ZNF540: variants seen among roughly 807,000 people sequenced by gnomAD.
The protein encoded by ZNF540 is CTD-3064H18.6.
Under a neutral mutation model 11.8 loss-of-function variants are expected in ZNF540, and 3 were observed. The ratio of observed to expected loss-of-function variants is 0.25; its 90% CI spans 0.12 to 0.65. The LOEUF (loss-of-function observed/expected upper bound fraction) is 0.65. Among genes scored for constraint, ZNF540 ranks in the 30% least tolerant of loss-of-function variants. The pLI, the probability that ZNF540 is intolerant of heterozygous loss-of-function variation, is 0.83. For missense variants in ZNF540, 709 were observed against 793.1 expected, an observed-to-expected ratio of 0.89 and a Z score of 1.27; for synonymous variants, 247 against 259.0, an observed-to-expected ratio of 0.95 and a Z score of 0.45.
chr19:37,558,464 T>C (rs749848672), intron 1 of ZNF540, among the ~76,000 whole-genome samples: 66 of 152,112 alleles, frequency 4.3e-4, no homozygotes, highest in Non-Finnish European at 6.2e-4. Context: ...ACGGTCCTGG[T>C]GACTCATCAT....
chr19:37,584,101 AAAC>A (rs1332280176), intron 1 of ZNF540: 2 of 1,613,972 alleles, frequency 1.2e-6, no homozygotes, highest in Non-Finnish European at 1.7e-6. Flanking sequence ...CCAACAACTG[AAAC>A]AACAAATCCA....
rs760232408 is a variant in ZNF540, at chr19:37,564,617, T to C, written c.-73+12952T>C. ...GCTTTCTCAATTATGAAGCCTTGTA[T>C]GTTGAGTAAGTTGTGAAGGACATCT... On this transcript the variant is annotated intron_variant, in intron 1 of 4. Coordinates refer to the ZNF540 transcript ENST00000592533. 6.5e-6 allele frequency: 10 copies of C among 1,543,614 alleles called. No individual in the cohort carries two copies. The East Asian group carries it at 2.3e-4, about 35-fold the overall frequency.
chr19:37,590,442 C>G (rs184744802), upstream of ZNF540, among the ~76,000 whole-genome samples: 1 of 151,576 alleles, frequency 6.6e-6, no homozygotes, highest in Non-Finnish European at 1.5e-5. Flanking sequence ...AAAAAAAAAG[C>G]TATAAGGACA....
At chr19:37,564,551 T>G (rs2042777614) in intron 1 of ZNF540, 3 of 1,445,552 alleles carry the variant, frequency 2.1e-6, no homozygotes, top group African/African-American at 1.4e-5. Flanking sequence ...ATTATAGATA[T>G]GAAATAGATG....
At chr19:37,583,249 A>T (rs1237125839) in intron 1 of ZNF540, among the ~76,000 whole-genome samples, 1 of 152,208 alleles carries the variant, frequency 6.6e-6, no homozygotes, top group Non-Finnish European at 1.5e-5. Flanking sequence ...AGCTCTCAGT[A>T]CGTATGTGCT....
At chr19:37,591,606 G>A (rs778941646), upstream of ZNF540, among the ~76,000 whole-genome samples, 12 of 152,146 alleles carry the variant, frequency 7.9e-5, no homozygotes, top group South Asian at 4.1e-4. Context: ...GTGCAATGGC[G>A]CAATCTCGGC....
intron 4 of ZNF540, among the ~76,000 whole-genome samples, chr19:37,610,559 G>A (rs2044120323): frequency 6.6e-6 from 1 of 152,210 alleles, no homozygotes; most frequent in African/African-American, 2.4e-5. Flanking sequence ...ATGAGAAGGA[G>A]TTGGCCTTTC....
At position 37,575,579 on chromosome 19, in the gene ZNF540, G is replaced by A. The variant is rs925675234; in HGVS notation, c.-72-22797G>A. The A allele has an allele frequency of 2.6e-5, 4 of 152,170 alleles. No individual in the cohort carries two copies. In the East Asian group the frequency reaches 7.7e-4, roughly 29 times the overall value. The allele number at this position is 152,170 out of a possible 1,614,324, so 9.4% of individuals were successfully genotyped here. A position where few individuals can be genotyped will look rare whatever the true frequency, so the allele number is the denominator to read the frequency against. On this transcript the variant is annotated intron_variant, in intron 1 of 4. Coordinates refer to the ZNF540 transcript ENST00000592533. ...GAGATGTGTCCCACTTCTCGTTCTG[G>A]GCCCATGAAACTTGGATGAAACTAT...
intron 1 of ZNF540, chr19:37,566,115 C>T: frequency 1.2e-6 from 2 of 1,614,050 alleles, no homozygotes; most frequent in Non-Finnish European, 8.5e-7. Flanking sequence ...ATGTAAAGCC[C>T]TTCCTGACTT....
intron 1 of ZNF540, among the ~76,000 whole-genome samples, chr19:37,558,397 G>A (rs1324523192): frequency 6.6e-6 from 1 of 152,092 alleles, no homozygotes; most frequent in East Asian, 1.9e-4. Context: ...CTATTTTCGG[G>A]GGCCGCTGGG....
intron 3 of ZNF540, 104 bp downstream of exon 3, chr19:37,599,856 CT>C: frequency 1.5e-6 from 2 of 1,314,264 alleles, no homozygotes; most frequent in Non-Finnish European, 2.1e-6. Context: ...TGAATTTCTT[CT>C]CTCTTCCTCA....
At chr19:37,564,978 C>A in intron 1 of ZNF540, 1 of 1,613,342 alleles carries the variant, frequency 6.2e-7, no homozygotes, top group Non-Finnish European at 8.5e-7. Context: ...GTAGCACGTA[C>A]AAAGGTCTTC....
At position 37,582,706 on chromosome 19, in the gene ZNF540, T is replaced by G. The variant is rs1315950345; in HGVS notation, c.-72-15670T>G. Among the ~76,000 whole-genome samples, 5 of 152,214 alleles carry G rather than the reference T, an allele frequency of 3.3e-5. No individual in the cohort carries two copies. The East Asian group carries it at 9.6e-4, about 29-fold the overall frequency. On this transcript the variant is annotated intron_variant, in intron 1 of 4. Transcript: ENST00000592533. ...CCAGCCTTCCAAACCCTGATGCCTCTATTGCCAATCTTCAAAATAACTCCA... is the reference window on the plus strand; with the variant it reads ...CCAGCCTTCCAAACCCTGATGCCTCGATTGCCAATCTTCAAAATAACTCCA...
At chr19:37,602,252 C>G (rs1168367689) in intron 4 of ZNF540, among the ~76,000 whole-genome samples, 1 of 151,746 alleles carries the variant, frequency 6.6e-6, no homozygotes, top group Non-Finnish European at 1.5e-5. Flanking sequence ...GGAAAGATAG[C>G]TTGGAAGATG....
chr19:37,593,530 C>G (rs1006901768), upstream of ZNF540, among the ~76,000 whole-genome samples: 1 of 152,106 alleles, frequency 6.6e-6, no homozygotes, highest in Non-Finnish European at 1.5e-5. Context: ...GGTGAAACCT[C>G]GTCTCTACTA....
chr19:37,571,710 A>C (rs2043058945), intron 1 of ZNF540, among the ~76,000 whole-genome samples: 2 of 152,332 alleles, frequency 1.3e-5, no homozygotes, highest in South Asian at 4.1e-4. Flanking sequence ...AAGTAACCCC[A>C]ACATATGTTG....
intron 1 of ZNF540, among the ~76,000 whole-genome samples, chr19:37,568,499 A>G (rs1344863047): frequency 6.9e-6 from 1 of 145,836 alleles, no homozygotes; most frequent in African/African-American, 2.8e-5. Flanking sequence ...AAGGAATCAA[A>G]TAAATTCAGT....
chr19:37,596,948 G>A lies in ZNF540; in HGVS notation c.-72-1428G>A, dbSNP rs546426014. ...TATTCACGCTTGGGTTTTATTAGGCGTAATAAGAAATTCTGGGTATCAGTG... is the reference window on the plus strand; with the variant it reads ...TATTCACGCTTGGGTTTTATTAGGCATAATAAGAAATTCTGGGTATCAGTG... On this transcript the variant is annotated intron_variant, in intron 1 of 4. Transcript: ENST00000316433. 5.3e-5 allele frequency among the ~76,000 whole-genome samples: 8 copies of A among 152,246 alleles called. No homozygotes were observed. The South Asian group carries it at 6.2e-4, about 12-fold the overall frequency.
At chr19:37,564,602 T>G in intron 1 of ZNF540, 1 of 1,503,112 alleles carries the variant, frequency 6.7e-7, no homozygotes, top group Non-Finnish European at 8.9e-7. Flanking sequence ...GCTTTCTCAA[T>G]TATGAAGCCT....
Sources: allele counts gnomAD v4.1 joint callset (sites outside exome capture counted in the v4.1 genomes callset), GRCh38; gene constraint gnomAD v4.1.1; transcripts MANE v1.5; gene names NCBI Gene and HGNC (gene_info 2026-07-23, HGNC 2026-07-21).